ETFDH: variants seen among roughly 807,000 people sequenced by gnomAD.
ETFDH encodes electron transfer flavoprotein dehydrogenase.
ETFDH carries 61 observed loss-of-function variants against 73.2 expected under a neutral mutation model. That is an observed-to-expected ratio of 0.83 (90% CI 0.68 to 1.03). ETFDH has a LOEUF of 1.03. Ranked by LOEUF, ETFDH falls within the 50% of genes least tolerant of loss-of-function variation. ETFDH has a pLI of 0.00. For missense variants in ETFDH, 685 were observed against 745.0 expected, an observed-to-expected ratio of 0.92 and a Z score of 0.94; for synonymous variants, 243 against 253.3, an observed-to-expected ratio of 0.96 and a Z score of 0.39.
intron 1 of ETFDH, among the ~76,000 whole-genome samples, chr4:158,676,461 C>T (rs1773714381): frequency 6.6e-6 from 1 of 152,150 alleles, no homozygotes; most frequent in Admixed American, 6.5e-5. Flanking sequence ...GACTCTTAAA[C>T]CATAATTTCT....
At chr4:158,672,789 G>C (rs1026167724) in intron 1 of ETFDH, among the ~76,000 whole-genome samples, 1 of 152,026 alleles carries the variant, frequency 6.6e-6, no homozygotes, top group Non-Finnish European at 1.5e-5. Context: ...CCTGAACTGA[G>C]GCTTCCCAAA....
intron 1 of ETFDH, among the ~76,000 whole-genome samples, chr4:158,676,186 G>A (rs2150302402): frequency 6.6e-6 from 1 of 152,276 alleles, no homozygotes; most frequent in South Asian, 2.1e-4. Context: ...TTGATGAGTA[G>A]GGGGGTCAGA....
chr4:158,706,428 GTTAA>G (rs1436105816), intron 11 of ETFDH, 57 bp downstream of exon 11: 44 of 1,351,944 alleles, frequency 3.3e-5, no homozygotes, highest in East Asian at 2.1e-4. Context: ...AATGGGATCT[GTTAA>G]TTAGAGAAAG....
At chr4:158,678,560 T>C (rs1773767979) in intron 1 of ETFDH, among the ~76,000 whole-genome samples, 1 of 152,188 alleles carries the variant, frequency 6.6e-6, no homozygotes, top group Non-Finnish European at 1.5e-5. Context: ...TTTTTCACTT[T>C]CCATTCTCTA....
intron 3 of ETFDH, 104 bp from the exon 4 acceptor site, chr4:158,684,487 GA>G (rs549069699): frequency 2.1e-4 from 136 of 657,750 alleles, no homozygotes; most frequent in African/African-American, 1.8e-3. Flanking sequence ...AATTAGGGGG[GA>G]GTTCTTTTTT....
intron 7 of ETFDH, among the ~76,000 whole-genome samples, chr4:158,696,002 G>A (rs1005332351): frequency 6.6e-6 from 1 of 152,016 alleles, no homozygotes; most frequent in African/African-American, 2.4e-5. Context: ...CACATCCTAC[G>A]AAGAATTATT....
At position 158,682,327 on chromosome 4, in the gene ETFDH, T is replaced by C; in HGVS notation, c.308T>C (p.Val103Ala). 2 of 1,614,168 alleles carry C rather than the reference T, an allele frequency of 1.2e-6. No homozygotes were observed. The highest frequency in any genetic ancestry group is 1.7e-6 in the Non-Finnish European group (2 of 1,180,018). The change falls in exon 3 of 13, where the codon GTG (valine) becomes GCG (alanine). Residue 103 changes from valine to alanine, a missense_variant. This residue lies in a region of ETFDH where 405 missense variants were observed against 399.3 expected (regional missense o/e 1.01). Transcript: ENST00000511912. ...GAAAAGGACATCCGTGTGTGTCTAG[T>C]GGAGAAAGCTGCCCAGATAGGAGCT... ...AHEKDIRVCL[V>A]EKAAQIGAHT...
At chr4:158,693,972 T>C (rs2150310462) in intron 6 of ETFDH, among the ~76,000 whole-genome samples, 1 of 152,282 alleles carries the variant, frequency 6.6e-6, no homozygotes, top group Non-Finnish European at 1.5e-5. Flanking sequence ...TATGTTTTTT[T>C]CAGAGTCCAG....
At chr4:158,702,824 A>G (rs1398198599) in intron 9 of ETFDH, among the ~76,000 whole-genome samples, 2 of 152,136 alleles carry the variant, frequency 1.3e-5, no homozygotes, top group African/African-American at 2.4e-5. Flanking sequence ...TTTCTTTTGG[A>G]TATATACCCA....
Position 158,707,089 on chromosome 4 carries a change from T to G in ETFDH, c.1690+239T>G, listed in dbSNP as rs190481182. On this transcript the variant is annotated intron_variant, in intron 12 of 12. Coordinates refer to ENST00000511912, the MANE Select transcript of ETFDH (RefSeq NM_004453.4). Reference sequence around the variant, plus strand: ...TACACTCAGACTAAGATGAAGATTCTTGAAAATGAAATACCTCTCTTTGCA... The same window carrying G: ...TACACTCAGACTAAGATGAAGATTCGTGAAAATGAAATACCTCTCTTTGCA... Among the ~76,000 whole-genome samples, 118 of 152,104 alleles carry G rather than the reference T, an allele frequency of 7.8e-4. 1 individual carries two copies. Among genetic ancestry groups the G allele is most frequent in the Non-Finnish European group, 1.4e-3 (98 of 67,996 alleles).
chr4:158,675,639 T>C (rs1015520306), intron 1 of ETFDH, among the ~76,000 whole-genome samples: 2 of 152,088 alleles, frequency 1.3e-5, no homozygotes, highest in Non-Finnish European at 2.9e-5. Flanking sequence ...CATGGTGGCA[T>C]GCACCTGTAG....
In ETFDH at chr4:158,703,426, A is replaced by G. The variant is rs759143731; in HGVS notation, c.1120A>G (p.Ile374Val). The G allele has an allele frequency of 1.9e-6, 3 of 1,607,586 alleles. No individual in the cohort carries two copies. In the Admixed American group the frequency reaches 5.0e-5, roughly 27 times the overall value. The change falls in exon 10 of 13, where the codon ATA (isoleucine) becomes GTA (valine). Residue 374 changes from isoleucine to valine, a missense_variant. By Grantham distance (29) the Ile-to-Val change is conservative. Around this residue, in one of 3 missense-constraint regions of ETFDH, gnomAD observed 79 missense variants for 120.5 expected, o/e 0.66. Transcript: ENST00000511912. ...TTCTGAATCTTTGTTTCCTCAGTCT[A>G]TACCAAAACTCACCTTTCCTGGTGG... ...RALNEGGFQS[I>V]PKLTFPGGLL...
chr4:158,692,909 G>T (rs1554032449), intron 6 of ETFDH, among the ~76,000 whole-genome samples: 1 of 141,080 alleles, frequency 7.1e-6, no homozygotes, highest in South Asian at 2.2e-4. Context: ...ATATATATAT[G>T]GTTTTTAACT....
chr4:158,683,363 AT>A (rs1170494293), intron 3 of ETFDH, among the ~76,000 whole-genome samples: 2 of 152,234 alleles, frequency 1.3e-5, no homozygotes, highest in Non-Finnish European at 2.9e-5. Flanking sequence ...AATTATATAA[AT>A]ATCTGTATTT....
chr4:158,683,097 A>G (rs1201658891), intron 3 of ETFDH, among the ~76,000 whole-genome samples: 2 of 152,238 alleles, frequency 1.3e-5, no homozygotes, highest in African/African-American at 2.4e-5. Flanking sequence ...ACAATGCAAT[A>G]TCTAAAGCCA....
At chr4:158,690,491 CAAAGTGAAACCCCATCTCTCCAAAA>C in intron 6 of ETFDH, 66 bp downstream of exon 6, 1 of 943,992 alleles carries the variant, frequency 1.1e-6, no homozygotes, top group South Asian at 1.3e-5. Context: ...GTGTGGGCAT[CAAAGTGAAACCCCATCTCTCCAAAA>C]AAAGAAAACA....
chr4:158,684,442 C>A, intron 3 of ETFDH, 150 bp from the exon 4 acceptor site: 1 of 550,266 alleles, frequency 1.8e-6, no homozygotes, highest in Non-Finnish European at 3.3e-6. Flanking sequence ...AAAGGATTCA[C>A]AGTGACAAGT....
intron 1 of ETFDH, among the ~76,000 whole-genome samples, chr4:158,678,229 G>A (rs1483579514): frequency 1.3e-5 from 2 of 152,130 alleles, no homozygotes; most frequent in Non-Finnish European, 2.9e-5. Flanking sequence ...GCACAAGGTT[G>A]CCTTTAGTTG....
intron 11 of ETFDH, 97 bp from the exon 12 acceptor site, chr4:158,706,532 T>G: frequency 1.7e-6 from 2 of 1,145,682 alleles, no homozygotes; most frequent in Non-Finnish European, 1.3e-6. Context: ...CATATTTCTT[T>G]GGTGTGATAA....
Sources: allele counts gnomAD v4.1 joint callset (sites outside exome capture counted in the v4.1 genomes callset), GRCh38; gene constraint gnomAD v4.1.1; regional missense constraint gnomAD v4.1.1; transcripts MANE v1.5; gene names NCBI Gene and HGNC (gene_info 2026-07-23, HGNC 2026-07-21).